BIRC6: variants seen among roughly 807,000 people sequenced by gnomAD.
The protein encoded by BIRC6 is baculoviral IAP repeat containing 6, also known as dual E2 ubiquitin-conjugating enzyme/E3 ubiquitin-protein ligase BIRC6.
A neutral mutation model predicts 503.3 loss-of-function variants in BIRC6; 98 were observed. The ratio of observed to expected loss-of-function variants is 0.19; its 90% CI spans 0.17 to 0.23. The LOEUF (loss-of-function observed/expected upper bound fraction) is 0.23, where lower values mean the gene tolerates loss of function less well. Ranked by LOEUF, BIRC6 falls within the 10% of genes least tolerant of loss-of-function variation. The pLI is 1.00. For synonymous variants in BIRC6, 2,240 were observed against 2,078.7 expected (o/e 1.08, Z -2.11); for missense variants, 5,360 against 5,806.0 (o/e 0.92, Z 2.50).
chr2:32,479,760 G>A, intron 37 of BIRC6, 143 bp downstream of exon 37: 3 of 676,818 alleles, frequency 4.4e-6, no homozygotes, highest in Admixed American at 3.1e-5. Context: ...TTATTTTCCT[G>A]GTAAATACAT....
chr2:32,369,941 A>ATATAT (rs1178622449), intron 1 of BIRC6, among the ~76,000 whole-genome samples: 1 of 46,036 alleles, frequency 2.2e-5, no homozygotes, highest in African/African-American at 1.4e-4. Flanking sequence ...AAAAAAAAAA[A>ATATAT]AAAAATATAT....
intron 20 of BIRC6, 78 bp downstream of exon 20, chr2:32,443,666 A>T: frequency 8.8e-7 from 1 of 1,139,662 alleles, no homozygotes; most frequent in Non-Finnish European, 1.2e-6. Flanking sequence ...TTATTTCATA[A>T]CTACTTTTTC....
Position 32,504,784 on chromosome 2 carries a change from A to T in BIRC6, c.9500-221A>T, listed in dbSNP as rs536541271. Among the ~76,000 whole-genome samples the T allele has an allele frequency of 1.6e-4, 24 of 152,326 alleles. 1 individual carries two copies. In the East Asian group the frequency reaches 4.0e-3, roughly 26 times the overall value. On this transcript the variant is annotated intron_variant, in intron 49 of 73. Transcript: ENST00000421745. ...CGTGTATCATATGAGTACAAAGTAG[A>T]CAGCAGTTAATAATGAACTTGTCAC...
intron 55 of BIRC6, 21 bp from the exon 56 acceptor site, chr2:32,518,233 T>C: frequency 6.2e-7 from 1 of 1,602,164 alleles, no homozygotes; most frequent in Non-Finnish European, 8.5e-7. Context: ...ATTTAACTTT[T>C]TAAATATTTT....
At chr2:32,561,835 A>C (rs1363561149) in intron 65 of BIRC6, among the ~76,000 whole-genome samples, 1 of 150,580 alleles carries the variant, frequency 6.6e-6, no homozygotes, top group African/African-American at 2.4e-5. Flanking sequence ...CGAGGTCAGG[A>C]GTTCGAGACC....
chr2:32,486,106 G>A (rs1178505808), intron 40 of BIRC6, among the ~76,000 whole-genome samples: 1 of 152,160 alleles, frequency 6.6e-6, no homozygotes, highest in Non-Finnish European at 1.5e-5. Flanking sequence ...TTATGATGAA[G>A]TAGATTTTTT....
chr2:32,569,478 C>T (rs1187692185), intron 65 of BIRC6, among the ~76,000 whole-genome samples: 2 of 152,302 alleles, frequency 1.3e-5, no homozygotes, highest in Non-Finnish European at 2.9e-5. Flanking sequence ...AAGTGATTCT[C>T]CTGCCTCAGC....
At position 32,485,654 on chromosome 2, in the gene BIRC6, C is replaced by T. The variant is rs151265350; in HGVS notation, c.7708C>T (p.Arg2570Cys). Residue 2570 changes from arginine (R) to cysteine (C), a missense_variant, in exon 40 of 74, where the codon CGC (arginine) becomes TGC (cysteine). Physicochemically the swap from Arg to Cys is radical, Grantham distance 180. Transcript: ENST00000421745. Reference protein sequence around the residue: ...SVSVSQALDARLEVGLEQQAE... With the variant: ...SVSVSQALDACLEVGLEQQAE... The stretch of plus-strand genomic sequence containing the variant: ...ATTGCTTTTTGTAGCCCTGGATGCT[C>T]GCCTAGAAGTTGGACTTGAACAGCA... 3.7e-6 allele frequency: 6 copies of T among 1,611,544 alleles called. No homozygotes were observed. The highest frequency in any genetic ancestry group is 5.1e-6 in the Non-Finnish European group (6 of 1,178,060).
At position 32,468,540 on chromosome 2, in the gene BIRC6, A is replaced by G. The variant is rs1334103139; in HGVS notation, c.5884A>G (p.Lys1962Glu). 1 of 1,613,896 alleles carries G rather than the reference A, an allele frequency of 6.2e-7. No homozygotes were observed. Among genetic ancestry groups the G allele is most frequent in the Non-Finnish European group, 8.5e-7 (1 of 1,179,878 alleles). The change falls in exon 29 of 74, where the codon AAG (lysine) becomes GAG (glutamate). Residue 1962 changes from lysine (K) to glutamate (E), a missense_variant. Transcript: ENST00000421745. ...NAQYFLRKPDKAVEEDSRVFS... is the reference protein window; with the variant it reads ...NAQYFLRKPDEAVEEDSRVFS... ...ACAGTACTTTTTACGAAAACCAGATAAGGCAGTTGAGGAAGACAGTAGGGT... is the reference window on the plus strand; with the variant it reads ...ACAGTACTTTTTACGAAAACCAGATGAGGCAGTTGAGGAAGACAGTAGGGT...
intron 45 of BIRC6, among the ~76,000 whole-genome samples, 151 bp from the exon 46 acceptor site, chr2:32,499,393 TGAA>T (rs1212696683): frequency 6.6e-6 from 1 of 152,236 alleles, no homozygotes; most frequent in Non-Finnish European, 1.5e-5. Flanking sequence ...AGCTACCTAA[TGAA>T]ATAGTGAATA....
chr2:32,542,836 G>A (rs1290389596), intron 61 of BIRC6, among the ~76,000 whole-genome samples: 1 of 152,160 alleles, frequency 6.6e-6, no homozygotes, highest in Non-Finnish European at 1.5e-5. Flanking sequence ...AGATAGTTTT[G>A]TTGCCCAGGC....
chr2:32,501,799 C>G lies in BIRC6; in HGVS notation c.9118C>G (p.Leu3040Val). 6.2e-7 allele frequency: 1 copy of G among 1,613,812 alleles called. No homozygotes were observed. Among genetic ancestry groups the G allele is most frequent in the South Asian group, 1.1e-5 (1 of 91,076 alleles). ...ISVGDGLFTI[L>V]TTLSKKASTV... ...AGTTGGGGATGGATTATTTACCATA[C>G]TGACAACCCTTAGTAAAAAAGCTTC... Residue 3040 changes from leucine (L) to valine (V), a missense_variant, in exon 47 of 74, where the codon CTG becomes GTG. By Grantham distance (32) the Leu-to-Val change is conservative (BLOSUM62 1). This residue lies in a region of BIRC6 where 267 missense variants were observed against 287.6 expected (regional missense o/e 0.93). Coordinates refer to ENST00000421745, the MANE Select transcript of BIRC6 (RefSeq NM_016252.4).
chr2:32,497,469 G>A (rs1303237551), intron 45 of BIRC6, among the ~76,000 whole-genome samples: 3 of 152,182 alleles, frequency 2.0e-5, no homozygotes, highest in South Asian at 4.1e-4. Context: ...GTATTTGGTA[G>A]CATTTGCCAT....
At chr2:32,359,383 A>G (rs1319829294) in intron 1 of BIRC6, among the ~76,000 whole-genome samples, 1 of 152,224 alleles carries the variant, frequency 6.6e-6, no homozygotes, top group Non-Finnish European at 1.5e-5. Context: ...GGTTGGGGAA[A>G]TTGGACATAT....
chr2:32,452,127 T>G lies in BIRC6; in HGVS notation c.4619-1681T>G, dbSNP rs140667111. 2.8e-4 allele frequency among the ~76,000 whole-genome samples: 42 copies of G among 152,322 alleles called. No individual in the cohort carries two copies. In the East Asian group the frequency reaches 7.1e-3, roughly 26 times the overall value. Reference sequence around the variant, plus strand: ...TTGAATATGCAAGCATTTTAAAATATTCTTTTTCCAACTACATATTTGTGT... The same window carrying G: ...TTGAATATGCAAGCATTTTAAAATAGTCTTTTTCCAACTACATATTTGTGT... On this transcript the variant is annotated intron_variant, in intron 22 of 73. Coordinates refer to ENST00000421745, the MANE Select transcript of BIRC6 (RefSeq NM_016252.4).
In BIRC6 at chr2:32,558,030, A is replaced by G. The variant is rs572663879; in HGVS notation, c.13144+8549A>G. The stretch of plus-strand genomic sequence containing the variant: ...GTAAATACTAGAAAATGTATTTACT[A>G]GCAGAGAGCTAGTAAATGTATTTAT... On this transcript the variant is annotated intron_variant, in intron 65 of 73. Transcript: ENST00000421745. 2.6e-5 allele frequency among the ~76,000 whole-genome samples: 4 copies of G among 152,324 alleles called. No individual in the cohort carries two copies. In the South Asian group the frequency reaches 8.3e-4, roughly 32 times the overall value.
At position 32,435,828 on chromosome 2, in the gene BIRC6, T is replaced by C. The variant is rs2044633840; in HGVS notation, c.3500-225T>C. ...GGATTTGAAATCAAGTCGTGGTTTA[T>C]AATTTTTTTGAAAATAAAGGTGAAC... On this transcript the variant is annotated intron_variant, in intron 14 of 73. Coordinates refer to ENST00000421745, the MANE Select transcript of BIRC6 (RefSeq NM_016252.4). 1.3e-5 allele frequency among the ~76,000 whole-genome samples: 2 copies of C among 152,244 alleles called. 1 individual carries two copies. Among genetic ancestry groups the C allele is most frequent in the South Asian group, 4.1e-4 (2 of 4,828 alleles).
Position 32,543,224 on chromosome 2 carries a change from C to G in BIRC6, c.12292-17C>G, listed in dbSNP as rs1462294816. ...GAAAATGTGAATGGCCAAGCCAACA[C>G]TTTTCTTTTTCTTTAGGTGAGTGCT... On this transcript the variant is annotated splice_polypyrimidine_tract_variant and intron_variant, in intron 61 of 73. Coordinates refer to ENST00000421745, the MANE Select transcript of BIRC6 (RefSeq NM_016252.4). 6.2e-7 allele frequency: 1 copy of G among 1,608,806 alleles called. No homozygotes were observed. Among genetic ancestry groups the G allele is most frequent in the Non-Finnish European group, 8.5e-7 (1 of 1,176,154 alleles).
chr2:32,560,408 TCTTCTATTTCCATAATGTA>T (rs1327574811), intron 65 of BIRC6, among the ~76,000 whole-genome samples: 1 of 152,212 alleles, frequency 6.6e-6, no homozygotes, highest in East Asian at 1.9e-4. Context: ...GAGAATATCT[TCTTCTATTTCCATAATGTA>T]AGATTCCCAG....
Sources: gnomAD v4.1 joint callset for allele counts (sites outside exome capture counted in the v4.1 genomes callset) on GRCh38, gnomAD v4.1.1 for gene constraint, gnomAD v4.1.1 regional missense constraint, MANE v1.5 for transcripts, NCBI Gene and HGNC (gene_info 2026-07-23, HGNC 2026-07-21) for gene names.